KRT26: variants seen among roughly 807,000 people sequenced by gnomAD.
KRT26 encodes the protein keratin 26, also known as keratin, type I cytoskeletal 26.
In KRT26, 45 loss-of-function variants were observed where a neutral mutation model predicts 46.1. That is an observed-to-expected ratio of 0.98 (90% CI 0.77 to 1.25). KRT26 has a LOEUF of 1.25. Ranked by LOEUF, KRT26 falls within the 50% of genes most tolerant of loss-of-function variation. KRT26 has a pLI of 0.00. For missense variants in KRT26, 582 were observed against 560.1 expected, an observed-to-expected ratio of 1.04 and a Z score of -0.39; for synonymous variants, 191 against 209.9, an observed-to-expected ratio of 0.91 and a Z score of 0.78.
chr17:40,768,387 C>A (rs1041165082), intron 6 of KRT26, among the ~76,000 whole-genome samples: 9 of 152,220 alleles, frequency 5.9e-5, no homozygotes, highest in Non-Finnish European at 1.2e-4. Flanking sequence ...AAACAATGTG[C>A]TCATAATTCA....
intron 7 of KRT26, 23 bp downstream of exon 7, chr17:40,767,563 A>T: frequency 1.4e-6 from 2 of 1,470,914 alleles, no homozygotes. Flanking sequence ...GAGTTACACC[A>T]GGTAAAAAAA....
exon 8 of KRT26, chr17:40,766,498 A>G: frequency 6.5e-7 from 1 of 1,529,680 alleles, no homozygotes. Flanking sequence ...CTTTCTTTCC[A>G]AATAACTTTT....
Position 40,768,886 on chromosome 17 carries a change from C to A in KRT26, c.1180G>T (p.Glu394Ter). ...TTGCAAGTTAATCTTTACCTTTCTT[C>A]TCCATCTAGTAAGTTGCAATAAATG... The change falls in exon 6 of 8, where the codon GAA becomes TAA. Residue 394 changes from glutamate to a stop codon, truncating the protein, a stop_gained. Coordinates refer to ENST00000335552, the Ensembl canonical transcript of KRT26. LOFTEE classifies it high-confidence loss of function. 5.2e-6 allele frequency: 7 copies of A among 1,347,326 alleles called. No individual in the cohort carries two copies. Among genetic ancestry groups the A allele is most frequent in the African/African-American group, 3.1e-5 (2 of 65,256 alleles). The allele number at this position is 1,347,326 out of a possible 1,614,324, so 83.5% of individuals were successfully genotyped here. A position where few individuals can be genotyped will look rare whatever the true frequency, so the allele number is the denominator to read the frequency against.
exon 1 of KRT26, chr17:40,771,842 T>A: frequency 6.2e-7 from 1 of 1,613,188 alleles, no homozygotes; most frequent in African/African-American, 1.3e-5. Context: ...CAGGCGGTCG[T>A]TGAGATTCTG....
chr17:40,766,526 T>C (rs772709722), exon 8 of KRT26: 2 of 1,607,354 alleles, frequency 1.2e-6, no homozygotes, highest in African/African-American at 2.7e-5. Flanking sequence ...TATGGTGCTT[T>C]AGAAGGTACT....
upstream of KRT26, chr17:40,772,162 A>AGG: frequency 6.6e-7 from 1 of 1,509,856 alleles, no homozygotes. Flanking sequence ...GAGCAAAGCC[A>AGG]GGGTTCACCT....
chr17:40,766,725 T>A, intron 7 of KRT26, 59 bp from the exon 8 acceptor site: 1 of 1,242,970 alleles, frequency 8.0e-7, no homozygotes, highest in Non-Finnish European at 1.2e-6. Context: ...AAAGTAGCCA[T>A]AATAGGTATG....
chr17:40,768,540 T>C (rs139271048), intron 6 of KRT26, among the ~76,000 whole-genome samples: 1 of 152,236 alleles, frequency 6.6e-6, no homozygotes, highest in Non-Finnish European at 1.5e-5. Flanking sequence ...ACTAGTGAAG[T>C]GATAAGAAAA....
chr17:40,771,127 A>G (rs199676960), intron 2 of KRT26, 27 bp downstream of exon 2: 8 of 1,334,814 alleles, frequency 6.0e-6, no homozygotes, highest in African/African-American at 4.5e-5. Context: ...TTTTATTAAT[A>G]TAATTAATCA....
chr17:40,766,737 T>G, intron 7 of KRT26, 71 bp from the exon 8 acceptor site: 4 of 1,126,048 alleles, frequency 3.6e-6, no homozygotes, highest in Non-Finnish European at 5.2e-6. Context: ...ATAGGTATGC[T>G]TTTTGTTTGT....
chr17:40,768,816 C>G (rs1482009731), intron 6 of KRT26, 63 bp downstream of exon 6: 13 of 871,934 alleles, frequency 1.5e-5, no homozygotes, highest in Non-Finnish European at 2.3e-5. Context: ...ATTGGCATAC[C>G]TATACTGTGG....
exon 1 of KRT26, chr17:40,772,063 C>A (rs1481306295): frequency 1.9e-6 from 3 of 1,614,058 alleles, no homozygotes; most frequent in Admixed American, 3.3e-5. Flanking sequence ...GCCTACCAGA[C>A]CCAGTTCGCG....
At chr17:40,771,896 C>T in exon 1 of KRT26, 2 of 1,614,158 alleles carry the variant, frequency 1.2e-6, no homozygotes, top group Non-Finnish European at 1.7e-6. Context: ...GTGCTCATTG[C>T]CAAGAAAACC....
chr17:40,766,478 C>G (rs75274396), exon 8 of KRT26: 2 of 1,424,474 alleles, frequency 1.4e-6, no homozygotes, highest in Admixed American at 2.1e-5. Context: ...CTCTCTCTCT[C>G]TCTTTCTTTC....
At chr17:40,768,846 G>GT in intron 6 of KRT26, 33 bp downstream of exon 6, 2 of 1,129,026 alleles carry the variant, frequency 1.8e-6, no homozygotes, top group African/African-American at 1.6e-5. Context: ...GTTAATGTGA[G>GT]GTTTTTTTTT....
chr17:40,767,391 A>G (rs1284691164), intron 7 of KRT26, among the ~76,000 whole-genome samples, 195 bp downstream of exon 7: 1 of 152,254 alleles, frequency 6.6e-6, no homozygotes, highest in Non-Finnish European at 1.5e-5. Flanking sequence ...CAATAATTTC[A>G]TAATTTGACC....
intron 3 of KRT26, 49 bp from the exon 4 acceptor site, chr17:40,770,171 T>C (rs371160957): frequency 2.8e-5 from 45 of 1,613,020 alleles, no homozygotes; most frequent in Non-Finnish European, 3.6e-5. Context: ...TTGATTGATG[T>C]TCATGCCCTG....
intron 7 of KRT26, among the ~76,000 whole-genome samples, chr17:40,767,347 G>A (rs79390958): frequency 0.019 from 2,819 of 152,218 alleles, 91 homozygotes; most frequent in African/African-American, 0.063. Context: ...TACATTCCAG[G>A]TAAGAAACAT....
chr17:40,768,896 T>A, exon 6 of KRT26: 1 of 1,573,292 alleles, frequency 6.4e-7, no homozygotes, highest in Non-Finnish European at 8.7e-7. Context: ...CTCCATCTAG[T>A]AAGTTGCAAT....
Sources: allele counts gnomAD v4.1 joint callset (sites outside exome capture counted in the v4.1 genomes callset), GRCh38; gene constraint gnomAD v4.1.1; transcripts MANE v1.5; gene names NCBI Gene and HGNC (gene_info 2026-07-23, HGNC 2026-07-21).